Variants in ELMO1 observed in about 807,000 individuals in gnomAD.
ELMO1 encodes engulfment and cell motility protein 1.
Under a neutral mutation model 98.9 loss-of-function variants are expected in ELMO1, and 26 were observed. The ratio of observed to expected loss-of-function variants is 0.26; its 90% CI spans 0.19 to 0.36. ELMO1 has a LOEUF of 0.36. ELMO1 is among the 10% of genes least tolerant of loss of function. The pLI, the probability that ELMO1 is intolerant of heterozygous loss-of-function variation, is 1.00. For missense variants in ELMO1, 627 were observed against 935.2 expected (o/e 0.67, Z 4.30); for synonymous variants, 346 against 346.0 (o/e 1.00, Z 0.00).
chr7:37,439,577 G>A (rs1805307747), intron 1 of ELMO1, among the ~76,000 whole-genome samples: 2 of 152,204 alleles, frequency 1.3e-5, no homozygotes, highest in Non-Finnish European at 2.9e-5. Flanking sequence ...ATGACTGAAT[G>A]AAGCATTATG....
intron 15 of ELMO1, among the ~76,000 whole-genome samples, chr7:37,066,168 C>T (rs1459598583): frequency 6.6e-6 from 1 of 152,180 alleles, no homozygotes; most frequent in Non-Finnish European, 1.5e-5. Flanking sequence ...ATAAATTACC[C>T]AGTCTCGGGC....
chr7:37,390,686 G>A lies in ELMO1; in HGVS notation c.-73-47923C>T, dbSNP rs73348036. 2.8e-3 allele frequency among the ~76,000 whole-genome samples: 432 copies of A among 152,210 alleles called. 6 individuals are homozygous for A. The highest frequency in any genetic ancestry group is 9.9e-3 in the African/African-American group (412 of 41,522). On this transcript the variant is annotated intron_variant, in intron 1 of 21. Coordinates refer to ENST00000310758, the MANE Select transcript of ELMO1 (RefSeq NM_014800.11). The stretch of plus-strand genomic sequence containing the variant: ...AGACTAATGTCAGAGTTCATATAGG[G>A]CTTATGGGTTTGTTTGCAAATGGAA...
chr7:37,140,773 C>CA (rs1020583304), intron 13 of ELMO1, among the ~76,000 whole-genome samples: 5 of 44,512 alleles, frequency 1.1e-4, no homozygotes, highest in African/African-American at 1.9e-4. Flanking sequence ...AACAAGCATA[C>CA]GGAAAAAATG....
At chr7:36,877,170 C>T (rs528857108) in intron 19 of ELMO1, among the ~76,000 whole-genome samples, 8 of 152,260 alleles carry the variant, frequency 5.3e-5, no homozygotes, top group African/African-American at 7.2e-5. Context: ...GTCTGGGACA[C>T]GCTTATCTGA....
At chr7:36,933,878 TCAA>T (rs1420629739) in intron 16 of ELMO1, among the ~76,000 whole-genome samples, 1 of 152,198 alleles carries the variant, frequency 6.6e-6, no homozygotes, top group Non-Finnish European at 1.5e-5. Context: ...GGGCAGGACT[TCAA>T]GTTGCCCGTC....
At chr7:37,391,855 C>T (rs750941991) in intron 1 of ELMO1, among the ~76,000 whole-genome samples, 47 of 152,316 alleles carry the variant, frequency 3.1e-4, no homozygotes, top group Middle Eastern at 3.4e-3. Context: ...AGAAGGCCTA[C>T]AGGAGAAGTG....
chr7:37,282,411 A>G lies in ELMO1; in HGVS notation c.193-10529T>C, dbSNP rs893938282. On this transcript the variant is annotated intron_variant, in intron 4 of 21. Coordinates refer to ENST00000310758, the MANE Select transcript of ELMO1 (RefSeq NM_014800.11). Reference sequence around the variant, plus strand: ...AGGTCCATTTCTTAATCATCACAGAAACTGTTTTTGCATGCAAGCCTGATC... The same window carrying G: ...AGGTCCATTTCTTAATCATCACAGAGACTGTTTTTGCATGCAAGCCTGATC... Among the ~76,000 whole-genome samples, 8 of 152,340 alleles carry G rather than the reference A, an allele frequency of 5.3e-5. No individual in the cohort carries two copies. In the South Asian group the frequency reaches 1.7e-3, roughly 32 times the overall value.
chr7:37,098,833 T>C (rs942715552), intron 14 of ELMO1, among the ~76,000 whole-genome samples: 2 of 151,798 alleles, frequency 1.3e-5, no homozygotes, highest in African/African-American at 4.8e-5. Context: ...ATGGGAGAAA[T>C]GAACTGAAAA....
intron 15 of ELMO1, among the ~76,000 whole-genome samples, chr7:37,028,424 G>T (rs569866437): frequency 6.6e-6 from 1 of 152,188 alleles, no homozygotes; most frequent in African/African-American, 2.4e-5. Context: ...AATCCTTACA[G>T]TTGATAAAAC....
intron 13 of ELMO1, among the ~76,000 whole-genome samples, chr7:37,146,217 C>T (rs1318683082): frequency 6.6e-6 from 1 of 152,148 alleles, no homozygotes; most frequent in South Asian, 2.1e-4. Context: ...TCAGAATCTC[C>T]TAGAGGGCCT....
At chr7:37,448,038 G>A (rs546734051) in intron 1 of ELMO1, among the ~76,000 whole-genome samples, 1 of 151,908 alleles carries the variant, frequency 6.6e-6, no homozygotes, top group African/African-American at 2.4e-5. Context: ...CCCGGGAGGA[G>A]AGTATTTACT....
intron 10 of ELMO1, among the ~76,000 whole-genome samples, chr7:37,218,231 TTGTC>T (rs1231411714): frequency 2.6e-5 from 4 of 152,234 alleles, no homozygotes; most frequent in Admixed American, 2.0e-4. Context: ...GTTCCTATGT[TTGTC>T]TATCAGTCTA....
intron 13 of ELMO1, among the ~76,000 whole-genome samples, chr7:37,201,626 C>T (rs1174881636): frequency 6.6e-6 from 1 of 152,208 alleles, no homozygotes; most frequent in Admixed American, 6.5e-5. Flanking sequence ...CCAAGAACCC[C>T]TGTCTTGGCC....
intron 13 of ELMO1, among the ~76,000 whole-genome samples, chr7:37,210,520 TG>T (rs2130418279): frequency 6.6e-6 from 1 of 151,192 alleles, no homozygotes; most frequent in African/African-American, 2.4e-5. Context: ...TATATATATT[TG>T]GGTGTGTCTG....
At chr7:36,894,817 T>A in intron 17 of ELMO1, 37 bp downstream of exon 17, 1 of 1,613,140 alleles carries the variant, frequency 6.2e-7, no homozygotes, top group Non-Finnish European at 8.5e-7. Context: ...TGGGTTAGAG[T>A]CTTTTGGGAG....
intron 15 of ELMO1, among the ~76,000 whole-genome samples, chr7:37,055,804 T>C (rs557199895): frequency 6.6e-6 from 1 of 152,324 alleles, no homozygotes; most frequent in Admixed American, 6.5e-5. Context: ...TCACTGTCCC[T>C]GTCAGCCACG....
intron 16 of ELMO1, among the ~76,000 whole-genome samples, chr7:36,929,252 T>C (rs1339926448): frequency 6.6e-6 from 1 of 152,180 alleles, no homozygotes; most frequent in African/African-American, 2.4e-5. Context: ...ACTGACTCTT[T>C]CATCCACATA....
chr7:37,424,869 TTAA>T lies in ELMO1; in HGVS notation c.-74+23803_-74+23805del, dbSNP rs202107297. On this transcript the variant is annotated intron_variant, in intron 1 of 21. Transcript: ENST00000310758. Reference sequence around the variant, plus strand: ...CAAAACTAATAATTATTATATATTTTTAATAATAATAATAATAATAAACCATTT... The same window carrying T: ...CAAAACTAATAATTATTATATATTTTTAATAATAATAATAATAAACCATTT... 1.8e-3 allele frequency among the ~76,000 whole-genome samples: 272 copies of T among 150,708 alleles called. 1 individual carries two copies. Among genetic ancestry groups the T allele is most frequent in the African/African-American group, 5.2e-3 (214 of 41,242 alleles).
At chr7:37,156,759 T>G (rs548762769) in intron 13 of ELMO1, among the ~76,000 whole-genome samples, 22 of 152,328 alleles carry the variant, frequency 1.4e-4, no homozygotes, top group Non-Finnish European at 2.4e-4. Context: ...CTGGTACCAT[T>G]TTTTCTGAAA....
Sources: allele counts gnomAD v4.1 joint callset (sites outside exome capture counted in the v4.1 genomes callset), GRCh38; gene constraint gnomAD v4.1.1; transcripts MANE v1.5; gene names NCBI Gene and HGNC (gene_info 2026-07-23, HGNC 2026-07-21).